KHNYN: variants seen among roughly 807,000 people sequenced by gnomAD.
The protein encoded by KHNYN is KH and NYN domain containing.
In KHNYN, 42 loss-of-function variants were observed where a neutral mutation model predicts 62.7. The ratio of observed to expected loss-of-function variants is 0.67; its 90% CI spans 0.52 to 0.87. KHNYN has a LOEUF of 0.87. KHNYN is among the 40% of genes least tolerant of loss of function. The pLI, the probability that KHNYN is intolerant of heterozygous loss-of-function variation, is 0.00. For synonymous variants in KHNYN, 347 were observed against 345.6 expected, an observed-to-expected ratio of 1.00 and a Z score of -0.04; for missense variants, 829 against 874.1, an observed-to-expected ratio of 0.95 and a Z score of 0.65.
At chr14:24,428,132 C>T, upstream of KHNYN, 3 of 1,314,456 alleles carry the variant, frequency 2.3e-6, no homozygotes, top group Admixed American at 3.9e-5. Flanking sequence ...CTCTGCACAT[C>T]CTCCACACTC....
chr14:24,434,692 C>G (rs1042186098), intron 5 of KHNYN, among the ~76,000 whole-genome samples: 11 of 152,214 alleles, frequency 7.2e-5, no homozygotes, highest in East Asian at 5.8e-4. Context: ...CGTGAGCCAC[C>G]AAGCCCGGCC....
chr14:24,428,865 G>A (rs748834442), upstream of KHNYN: 6 of 1,609,752 alleles, frequency 3.7e-6, no homozygotes, highest in South Asian at 6.6e-5. Flanking sequence ...GCCTCTCCCA[G>A]GGCTGCTCCC....
chr14:24,427,606 T>C (rs1038617059), upstream of KHNYN: 32 of 637,042 alleles, frequency 5.0e-5, no homozygotes, highest in Non-Finnish European at 8.5e-5. This position sits in a 1 kb window ranked among gnomAD's most constrained non-coding sequence, Gnocchi z 4.4. Flanking sequence ...TGGAAAGGCC[T>C]GGTCTGGAGA....
At position 24,440,639 on chromosome 14, in the gene KHNYN, C is replaced by T. The variant is rs2043305915; in HGVS notation, c.*3354C>T. 2.2e-6 allele frequency: 3 copies of T among 1,339,548 alleles called. No individual in the cohort carries two copies. The highest frequency in any genetic ancestry group is 3.1e-6 in the Non-Finnish European group (3 of 962,254). 83.0% of individuals were successfully genotyped at this position (1,339,548 alleles called of 1,614,324 possible). Reference sequence around the variant, plus strand: ...TGAGCAGTATGGCTGTCTTTAAGACCTCACACCTTCTCATCTGCAGGTTGG... The same window carrying T: ...TGAGCAGTATGGCTGTCTTTAAGACTTCACACCTTCTCATCTGCAGGTTGG... On this transcript the variant is annotated 3_prime_UTR_variant, in exon 8 of 8. Coordinates refer to ENST00000553935, the MANE Select transcript of KHNYN (RefSeq NM_015299.3).
chr14:24,441,762 G>T lies in KHNYN; in HGVS notation c.*4477G>T, dbSNP rs761244828. 6.2e-7 allele frequency: 1 copy of T among 1,602,500 alleles called. No individual in the cohort carries two copies. The highest frequency in any genetic ancestry group is 8.5e-7 in the Non-Finnish European group (1 of 1,176,612). On this transcript the variant is annotated 3_prime_UTR_variant, in exon 8 of 8. Coordinates refer to ENST00000553935, the MANE Select transcript of KHNYN (RefSeq NM_015299.3). ...GCAATTGGGTGGTCTCTAGGCGGCT[G>T]CCGATTACCTCTTTTTGGAAGGTTT...
chr14:24,432,309 G>GGGAAT lies in KHNYN; in HGVS notation c.1050_1054dup (p.Ala352GlyfsTer61), dbSNP rs781570734. On this transcript the variant is annotated frameshift_variant, in exon 3 of 8. Transcript: ENST00000553935. LOFTEE classifies it high-confidence loss of function. The surrounding 1 kb of genome is among the most constrained non-coding windows in gnomAD (Gnocchi z 5.6). ...CTCCCTCCTCCAGCGGCTCCACAAT[G>GGGAAT]GGAATGCCTCTCCTCCGAGGGTGCC... is the stretch of plus-strand genomic sequence containing the variant. 1 of 1,614,040 alleles carries GGGAAT rather than the reference G, an allele frequency of 6.2e-7. No homozygotes were observed. Among genetic ancestry groups the GGGAAT allele is most frequent in the African/African-American group, 1.3e-5 (1 of 75,026 alleles).
chr14:24,439,931 A>G lies in KHNYN; in HGVS notation c.*2646A>G. ...CCTGATGAGATTACGGCCTTGAGAC[A>G]ATAAGGTGGAGCAACAGAACAATGG... On this transcript the variant is annotated 3_prime_UTR_variant, in exon 8 of 8. Coordinates refer to ENST00000553935, the MANE Select transcript of KHNYN (RefSeq NM_015299.3). 2 of 637,812 alleles carry G rather than the reference A, an allele frequency of 3.1e-6. No individual in the cohort carries two copies. Among genetic ancestry groups the G allele is most frequent in the Non-Finnish European group, 5.3e-6 (2 of 377,062 alleles). 39.5% of individuals were successfully genotyped at this position (637,812 alleles called of 1,614,324 possible).
At chr14:24,428,979 C>G, upstream of KHNYN, 1 of 1,550,562 alleles carries the variant, frequency 6.4e-7, no homozygotes, top group Non-Finnish European at 8.7e-7. Flanking sequence ...GCCCCCAGGG[C>G]CAGAAGCACC....
At chr14:24,428,236 C>T (rs1403643395), upstream of KHNYN, 3 of 1,603,624 alleles carry the variant, frequency 1.9e-6, no homozygotes, top group African/African-American at 2.7e-5. Flanking sequence ...TCCCCTTCTT[C>T]CCCCTCCCCA....
intron 1 of KHNYN, 33 bp downstream of exon 1, chr14:24,430,152 G>A (rs2139375514): frequency 1.0e-6 from 1 of 983,122 alleles, no homozygotes; most frequent in Non-Finnish European, 1.2e-6. Flanking sequence ...CCCGGGAGCG[G>A]GGAGCGGGGG....
Position 24,432,980 on chromosome 14 carries a change from C to G in KHNYN, c.1525C>G (p.Leu509Val), listed in dbSNP as rs745685836. 3.9e-5 allele frequency: 63 copies of G among 1,614,068 alleles called. No individual in the cohort carries two copies. In the Admixed American group the frequency reaches 6.7e-4, roughly 17 times the overall value. ...QKLYSLSLLS[L>V]TPSRVMDGKR... ...GCTGTATTCCCTCAGCCTGCTCTCC[C>G]TCACACCCTCACGAGTCATGGATGG... The change falls in exon 5 of 8, where the codon CTC becomes GTC. Residue 509 changes from leucine to valine, a missense_variant. This residue lies in a region of KHNYN where 270 missense variants were observed against 347.1 expected (regional missense o/e 0.78). Transcript: ENST00000553935. This position sits in a 1 kb window ranked among gnomAD's most constrained non-coding sequence, Gnocchi z 5.6.
chr14:24,440,909 G>C lies in KHNYN; in HGVS notation c.*3624G>C, dbSNP rs1297359055. On this transcript the variant is annotated 3_prime_UTR_variant, in exon 8 of 8. Transcript: ENST00000553935. Reference sequence around the variant, plus strand: ...CTGTCTTCATCATACTCCGCAGTCAGACTGGGCTGGTAGTAAGCTGCCGGT... The same window carrying C: ...CTGTCTTCATCATACTCCGCAGTCACACTGGGCTGGTAGTAAGCTGCCGGT... The C allele has an allele frequency of 1.2e-6, 2 of 1,614,054 alleles. No homozygotes were observed. Among genetic ancestry groups the C allele is most frequent in the African/African-American group, 1.3e-5 (1 of 75,064 alleles).
At chr14:24,429,028 T>C, upstream of KHNYN, 1 of 1,521,744 alleles carries the variant, frequency 6.6e-7, no homozygotes, top group South Asian at 1.2e-5. Flanking sequence ...GGGGACCTGG[T>C]AGCCAGTGTG....
rs2043119826 is a variant in KHNYN at position 24,431,825 on chromosome 14, G to A, written c.564G>A (p.Glu188=). 1 of 1,614,066 alleles carries A rather than the reference G, an allele frequency of 6.2e-7. No individual in the cohort carries two copies. The highest frequency in any genetic ancestry group is 1.3e-5 in the African/African-American group (1 of 75,066). The change falls in exon 3 of 8, where the codon GAG becomes GAA. Residue 188 remains glutamate, a synonymous_variant. Coordinates refer to ENST00000553935, the MANE Select transcript of KHNYN (RefSeq NM_015299.3). The part of the protein sequence containing the change: ...ALLQLPLAVQ[E]ELLSLVQEAS... ...TGCAGTTGCCCCTGGCTGTCCAGGA[G>A]GAGCTGCTGAGTCTGGTGCAGGAGG...
In KHNYN at chr14:24,437,143, C is replaced by T; in HGVS notation, c.1895C>T (p.Thr632Ile). Residue 632 changes from threonine to isoleucine, a missense_variant, in exon 8 of 8, where the codon ACC (threonine) becomes ATC (isoleucine). Physicochemically the swap from Thr to Ile is moderately conservative, Grantham distance 89. Transcript: ENST00000553935. The surrounding 1 kb of genome is among the most constrained non-coding windows in gnomAD (Gnocchi z 5.5). ...AAAGGTAGTGGTGGCATTCGGAAGA[C>T]CCGGGAAACAGAGCGGCTCCGGCGG... The part of the protein sequence containing the change: ...EEKGSGGIRK[T>I]RETERLRRQL... 1.2e-6 allele frequency: 2 copies of T among 1,614,172 alleles called. No homozygotes were observed. Among genetic ancestry groups the T allele is most frequent in the Admixed American group, 1.7e-5 (1 of 60,022 alleles).
At position 24,437,300 on chromosome 14, in the gene KHNYN, A is replaced by C; in HGVS notation, c.*15A>C. On this transcript the variant is annotated 3_prime_UTR_variant, in exon 8 of 8. Coordinates refer to ENST00000553935, the MANE Select transcript of KHNYN (RefSeq NM_015299.3). This position sits in a 1 kb window ranked among gnomAD's most constrained non-coding sequence, Gnocchi z 5.5. Reference sequence around the variant, plus strand: ...TTAACTTTTGAGCCTCACCTGCTTGAGTGGCTGCCGCCCTGTCAGCTCCAG... The same window carrying C: ...TTAACTTTTGAGCCTCACCTGCTTGCGTGGCTGCCGCCCTGTCAGCTCCAG... 1 of 1,602,188 alleles carries C rather than the reference A, an allele frequency of 6.2e-7. No individual in the cohort carries two copies. The highest frequency in any genetic ancestry group is 8.5e-7 in the Non-Finnish European group (1 of 1,171,620).
chr14:24,427,959 C>T, upstream of KHNYN: 1 of 1,613,714 alleles, frequency 6.2e-7, no homozygotes, highest in Non-Finnish European at 8.5e-7. This position sits in a 1 kb window ranked among gnomAD's most constrained non-coding sequence, Gnocchi z 4.4. Context: ...GCTGAGATGA[C>T]AGGCCACGTG....
rs755806431 is a variant in KHNYN, at chr14:24,436,385, C to T, written c.1686-3C>T. On this transcript the variant is annotated splice_polypyrimidine_tract_variant and splice_region_variant and intron_variant, in intron 6 of 7. Transcript: ENST00000553935. ...TGACCACACATTATCTTTCGCCATCCAGCCTGCTGCCCTTTACCTTTGTGG... is the reference window on the plus strand; with the variant it reads ...TGACCACACATTATCTTTCGCCATCTAGCCTGCTGCCCTTTACCTTTGTGG... 6.2e-7 allele frequency: 1 copy of T among 1,613,682 alleles called. No homozygotes were observed. Among genetic ancestry groups the T allele is most frequent in the Non-Finnish European group, 8.5e-7 (1 of 1,179,656 alleles).
intron 5 of KHNYN, among the ~76,000 whole-genome samples, chr14:24,434,817 A>C (rs2043180672): frequency 6.6e-6 from 1 of 152,202 alleles, no homozygotes; most frequent in African/African-American, 2.4e-5. Flanking sequence ...TATCTTTCAA[A>C]TACTGACTGC....
Sources: allele counts gnomAD v4.1 joint callset (sites outside exome capture counted in the v4.1 genomes callset), GRCh38; gene constraint gnomAD v4.1.1; regional missense constraint gnomAD v4.1.1; non-coding constraint Gnocchi (gnomAD v3.1); transcripts MANE v1.5; gene names NCBI Gene and HGNC (gene_info 2026-07-23, HGNC 2026-07-21).